Variants in PIP4K2A observed in about 807,000 individuals in gnomAD.
PIP4K2A encodes phosphatidylinositol 5-phosphate 4-kinase type-2 alpha.
PIP4K2A carries 14 observed loss-of-function variants against 42.9 expected under a neutral mutation model. The ratio of observed to expected loss-of-function variants is 0.33; its 90% confidence interval spans 0.22 to 0.51. The LOEUF is 0.51. Ranked by LOEUF, PIP4K2A falls within the 20% of genes least tolerant of loss-of-function variation. The pLI is 0.97. For missense variants in PIP4K2A, 434 were observed against 519.8 expected (o/e 0.83, Z 1.61); for synonymous variants, 192 against 192.2 (o/e 1.00, Z 0.01).
intron 4 of PIP4K2A, among the ~76,000 whole-genome samples, chr10:22,576,047 A>C (rs537749141): frequency 2.4e-4 from 37 of 152,322 alleles, no homozygotes; most frequent in African/African-American, 8.7e-4. Context: ...TGAATACCTA[A>C]AACTCCTGAG....
At chr10:22,666,691 G>A (rs1488657370) in intron 1 of PIP4K2A, among the ~76,000 whole-genome samples, 7 of 152,032 alleles carry the variant, frequency 4.6e-5, no homozygotes, top group Non-Finnish European at 7.4e-5. Context: ...CACTGTTTCC[G>A]GCACCTACAT....
intron 1 of PIP4K2A, among the ~76,000 whole-genome samples, chr10:22,633,184 C>G (rs1838587992): frequency 6.6e-6 from 1 of 152,204 alleles, no homozygotes; most frequent in Admixed American, 6.5e-5. Flanking sequence ...CAGATCTGGG[C>G]AACACAGCTC....
chr10:22,633,719 C>T (rs533712545), intron 1 of PIP4K2A, among the ~76,000 whole-genome samples: 1 of 152,290 alleles, frequency 6.6e-6, no homozygotes, highest in African/African-American at 2.4e-5. Flanking sequence ...TCCAAAAATG[C>T]TTCACACAAC....
intron 1 of PIP4K2A, among the ~76,000 whole-genome samples, chr10:22,686,078 A>G (rs1451579030): frequency 6.6e-6 from 1 of 152,196 alleles, no homozygotes; most frequent in Non-Finnish European, 1.5e-5. Context: ...GACAGTGCCC[A>G]TGGGAGTCTG....
At chr10:22,612,451 G>A (rs1262754484) in intron 1 of PIP4K2A, among the ~76,000 whole-genome samples, 1 of 152,218 alleles carries the variant, frequency 6.6e-6, no homozygotes. Context: ...GCGAGTCCTA[G>A]AGAGGAGGGG....
intron 1 of PIP4K2A, among the ~76,000 whole-genome samples, chr10:22,622,001 G>C (rs901075737): frequency 6.6e-6 from 1 of 152,202 alleles, no homozygotes; most frequent in African/African-American, 2.4e-5. Context: ...CCCATTTTAA[G>C]AGATGACCTG....
intron 1 of PIP4K2A, among the ~76,000 whole-genome samples, chr10:22,617,577 C>A (rs1838202250): frequency 6.6e-6 from 1 of 152,148 alleles, no homozygotes; most frequent in Non-Finnish European, 1.5e-5. Flanking sequence ...CCAAAAAAGC[C>A]TCTCACATGT....
chr10:22,550,639 T>C lies in PIP4K2A; in HGVS notation c.792+20A>G. ...TGATATTTATACAATGAGTCTGGCC[T>C]CTCCACTGACTGTTCTTACCTCAAC... On this transcript the variant is annotated intron_variant, in intron 7 of 9. Transcript: ENST00000376573. 8.2e-7 allele frequency: 1 copy of C among 1,226,304 alleles called. No homozygotes were observed. Among genetic ancestry groups the C allele is most frequent in the Non-Finnish European group, 1.2e-6 (1 of 824,820 alleles). The allele number at this position is 1,226,304 out of a possible 1,614,324, so 76.0% of individuals were successfully genotyped here. A position where few individuals can be genotyped will look rare whatever the true frequency, so the allele number is the denominator to read the frequency against.
chr10:22,585,085 G>T (rs567497666), intron 4 of PIP4K2A, among the ~76,000 whole-genome samples: 1 of 152,278 alleles, frequency 6.6e-6, no homozygotes, highest in South Asian at 2.1e-4. Flanking sequence ...ACACAATGTG[G>T]AACCTTTTCT....
At chr10:22,682,800 T>G (rs981649672) in intron 1 of PIP4K2A, among the ~76,000 whole-genome samples, 2 of 152,182 alleles carry the variant, frequency 1.3e-5, no homozygotes, top group Non-Finnish European at 2.9e-5. Context: ...GTTAGTCAGG[T>G]TCACACACCA....
chr10:22,692,663 T>C (rs1839896603), intron 1 of PIP4K2A, among the ~76,000 whole-genome samples: 1 of 152,194 alleles, frequency 6.6e-6, no homozygotes, highest in Non-Finnish European at 1.5e-5. Flanking sequence ...TACCATCAAA[T>C]GTTTTCTCAG....
In PIP4K2A at chr10:22,696,470, T is replaced by C. The variant is rs114137117; in HGVS notation, c.144+17713A>G. 5.2e-3 allele frequency among the ~76,000 whole-genome samples: 794 copies of C among 152,268 alleles called. 8 individuals carry two copies. The highest frequency in any genetic ancestry group is 0.017 in the African/African-American group (704 of 41,556). ...AGGTTCAGAAATGGGAATAAATTTG[T>C]TTTGAAATAGCCTTTGGCCACTCTG... On this transcript the variant is annotated intron_variant, in intron 1 of 9. Coordinates refer to ENST00000376573, the MANE Select transcript of PIP4K2A (RefSeq NM_005028.5).
chr10:22,590,811 AGTGAGCT>A (rs1837493214), intron 4 of PIP4K2A, among the ~76,000 whole-genome samples: 1 of 152,192 alleles, frequency 6.6e-6, no homozygotes, highest in Non-Finnish European at 1.5e-5. Context: ...TTGAGCATGC[AGTGAGCT>A]GTGATCACGC....
intron 1 of PIP4K2A, among the ~76,000 whole-genome samples, chr10:22,644,518 C>T (rs1778339): frequency 0.25 from 37,621 of 152,018 alleles, 5,042 homozygotes; most frequent in Non-Finnish European, 0.3. Flanking sequence ...ATGGCTAGTC[C>T]GTCAGGCTTC....
At chr10:22,566,334 C>T (rs888188951) in intron 6 of PIP4K2A, among the ~76,000 whole-genome samples, 6 of 152,202 alleles carry the variant, frequency 3.9e-5, no homozygotes, top group East Asian at 1.9e-4. Context: ...ATGTGAATAT[C>T]GGGGCAGGTT....
chr10:22,625,551 T>C lies in PIP4K2A; in HGVS notation c.145-15834A>G, dbSNP rs1021240390. Among the ~76,000 whole-genome samples, 6 of 152,286 alleles carry C rather than the reference T, an allele frequency of 3.9e-5. No individual in the cohort carries two copies. The South Asian group carries it at 1.0e-3, about 26-fold the overall frequency. The stretch of plus-strand genomic sequence containing the variant: ...GGGAGATGTTTTCAAAATACACCTA[T>C]CTTTATGCATCTATTACCCCAGGGA... On this transcript the variant is annotated intron_variant, in intron 1 of 9. Coordinates refer to ENST00000376573, the MANE Select transcript of PIP4K2A (RefSeq NM_005028.5).
chr10:22,661,936 G>A (rs1310246944), intron 1 of PIP4K2A: 6 of 152,050 alleles, frequency 3.9e-5, no homozygotes, highest in African/African-American at 9.7e-5. Flanking sequence ...GAAACATGAG[G>A]AACAAGATTG....
At chr10:22,661,987 AAT>A (rs1839213380) in intron 1 of PIP4K2A, 1 of 152,194 alleles carries the variant, frequency 6.6e-6, no homozygotes, top group Admixed American at 6.5e-5. Context: ...TGGATACCAA[AAT>A]GGATCTTAAC....
At chr10:22,574,414 CT>C (rs1837061391) in intron 4 of PIP4K2A, among the ~76,000 whole-genome samples, 1 of 146,874 alleles carries the variant, frequency 6.8e-6, no homozygotes, top group Non-Finnish European at 1.5e-5. Context: ...TGATCCTTTT[CT>C]ACTATACTGC....
Sources: allele counts gnomAD v4.1 joint callset (sites outside exome capture counted in the v4.1 genomes callset), GRCh38; gene constraint gnomAD v4.1.1; transcripts MANE v1.5; gene names NCBI Gene and HGNC (gene_info 2026-07-23, HGNC 2026-07-21).